Variants in RNF220 observed in about 807,000 individuals in gnomAD.
The protein encoded by RNF220 is ring finger protein 220.
RNF220 carries 7 observed loss-of-function variants against 67.1 expected under a neutral mutation model. That is an observed-to-expected ratio of 0.10 (90% CI 0.06 to 0.20). The LOEUF (loss-of-function observed/expected upper bound fraction) is 0.20. Among genes scored for constraint, RNF220 ranks in the 10% least tolerant of loss-of-function variants. The pLI is 1.00. For missense variants in RNF220, 565 were observed against 740.3 expected (o/e 0.76, Z 2.75); for synonymous variants, 270 against 283.2 (o/e 0.95, Z 0.47).
chr1:44,593,005 G>A (rs559615468), intron 2 of RNF220, among the ~76,000 whole-genome samples: 25 of 152,270 alleles, frequency 1.6e-4, no homozygotes, highest in African/African-American at 5.5e-4. Flanking sequence ...TTTTGATGGG[G>A]GGGATGGGCC....
At position 44,649,645 on chromosome 1, in the gene RNF220, G is replaced by A; in HGVS notation, c.1446-16G>A. 1 of 1,612,666 alleles carries A rather than the reference G, an allele frequency of 6.2e-7. No homozygotes were observed. Among genetic ancestry groups the A allele is most frequent in the South Asian group, 1.1e-5 (1 of 91,060 alleles). Reference sequence around the variant, plus strand: ...AGATGCCAGCCTGCTACCCAACCATGCCTTCCTTTTTACAGAATCACCGAA... The same window carrying A: ...AGATGCCAGCCTGCTACCCAACCATACCTTCCTTTTTACAGAATCACCGAA... On this transcript the variant is annotated splice_polypyrimidine_tract_variant and intron_variant, in intron 12 of 14. Transcript: ENST00000361799. This position sits in a 1 kb window ranked among gnomAD's most constrained non-coding sequence, Gnocchi z 5.9.
chr1:44,564,194 C>G lies in RNF220; in HGVS notation c.626-49971C>G, dbSNP rs138245207. On this transcript the variant is annotated intron_variant, in intron 2 of 14. Transcript: ENST00000361799. ...AAAAATAGCTATCAGAGAAATGTTT[C>G]TCAAATTCCCCCCTCCCTTCTACCT... Among the ~76,000 whole-genome samples the G allele has an allele frequency of 1.5e-4, 23 of 152,270 alleles. No individual in the cohort carries two copies. In the East Asian group the frequency reaches 4.2e-3, roughly 28 times the overall value.
chr1:44,434,791 C>T (rs1051607218), intron 2 of RNF220, among the ~76,000 whole-genome samples: 3 of 150,110 alleles, frequency 2.0e-5, no homozygotes, highest in African/African-American at 7.4e-5. Flanking sequence ...TAACAGAAGA[C>T]TTGTGAAAAG....
intron 2 of RNF220, among the ~76,000 whole-genome samples, chr1:44,485,912 TA>T (rs34614013): frequency 0.084 from 12,773 of 152,206 alleles, 1,545 homozygotes; most frequent in African/African-American, 0.27. Context: ...ATGTTCCCCT[TA>T]TTATACCTCA....
intron 2 of RNF220, among the ~76,000 whole-genome samples, chr1:44,460,843 G>A (rs1470181626): frequency 6.6e-6 from 1 of 152,190 alleles, no homozygotes; most frequent in Non-Finnish European, 1.5e-5. Context: ...TGTGGAACAC[G>A]GTGGCCAGAT....
At chr1:44,643,397 G>A (rs1426005647) in intron 8 of RNF220, 2 of 152,240 alleles carry the variant, frequency 1.3e-5, no homozygotes, top group African/African-American at 4.8e-5. Context: ...GGTTTACAGA[G>A]TGAATTAGTA....
chr1:44,530,368 C>T (rs1377748680), intron 2 of RNF220, among the ~76,000 whole-genome samples: 1 of 152,004 alleles, frequency 6.6e-6, no homozygotes, highest in Non-Finnish European at 1.5e-5. Flanking sequence ...ATGCAGTCAC[C>T]CAAAGAGCAG....
At position 44,617,564 on chromosome 1, in the gene RNF220, G is replaced by T. The variant is rs1224394235; in HGVS notation, c.758+3267G>T. On this transcript the variant is annotated intron_variant, in intron 3 of 14. Transcript: ENST00000361799. ...CTGACGGCCGTTCAGCGGGGAGCGCGGGGAGGGCCCCAGCCTTGGCTGCCC... is the reference window on the plus strand; with the variant it reads ...CTGACGGCCGTTCAGCGGGGAGCGCTGGGAGGGCCCCAGCCTTGGCTGCCC... Among the ~76,000 whole-genome samples, 3 of 152,380 alleles carry T rather than the reference G, an allele frequency of 2.0e-5. No homozygotes were observed. The East Asian group carries it at 5.8e-4, about 29-fold the overall frequency.
At chr1:44,472,741 A>C (rs1437430618) in intron 2 of RNF220, among the ~76,000 whole-genome samples, 3 of 152,108 alleles carry the variant, frequency 2.0e-5, no homozygotes, top group Admixed American at 6.6e-5. Context: ...TGTTGAACTG[A>C]GGAGAGGTGG....
At chr1:44,577,660 A>G (rs1664908591) in intron 2 of RNF220, among the ~76,000 whole-genome samples, 3 of 152,206 alleles carry the variant, frequency 2.0e-5, no homozygotes, top group African/African-American at 7.2e-5. Flanking sequence ...CAGTACCACA[A>G]AGGAAATAAA....
intron 2 of RNF220, among the ~76,000 whole-genome samples, chr1:44,532,354 T>C (rs1186150973): frequency 6.6e-6 from 1 of 152,172 alleles, no homozygotes; most frequent in Admixed American, 6.5e-5. Context: ...CCTTATGCTG[T>C]TTTTTTAGAT....
rs569273731 is a variant in RNF220 at position 44,608,813 on chromosome 1, T to C, written c.626-5352T>C. On this transcript the variant is annotated intron_variant, in intron 2 of 14. Transcript: ENST00000361799. ...TAGGGCCAGGGCACCTACTGAGTGG[T>C]AAAAGATCTGGATCATAGAAGGGAA... Among the ~76,000 whole-genome samples the C allele has an allele frequency of 2.6e-5, 4 of 152,218 alleles. No homozygotes were observed. The South Asian group carries it at 8.3e-4, about 32-fold the overall frequency.
intron 2 of RNF220, among the ~76,000 whole-genome samples, chr1:44,592,776 T>C (rs916024805): frequency 6.6e-6 from 1 of 152,142 alleles, no homozygotes; most frequent in Non-Finnish European, 1.5e-5. Flanking sequence ...TGGCTAGCCA[T>C]GCTTCCAGGT....
At chr1:44,503,146 C>T (rs1329478157) in intron 2 of RNF220, among the ~76,000 whole-genome samples, 1 of 151,810 alleles carries the variant, frequency 6.6e-6, no homozygotes, top group African/African-American at 2.4e-5. Context: ...CCAGTCTGGC[C>T]AACATGGTGA....
intron 2 of RNF220, among the ~76,000 whole-genome samples, chr1:44,433,054 C>A (rs1650575218): frequency 6.6e-6 from 1 of 152,044 alleles, no homozygotes; most frequent in Non-Finnish European, 1.5e-5. Context: ...CTCAGCCTCA[C>A]AAGTAGCTGG....
intron 2 of RNF220, among the ~76,000 whole-genome samples, chr1:44,446,293 G>A (rs1281245443): frequency 6.6e-6 from 1 of 152,176 alleles, no homozygotes; most frequent in African/African-American, 2.4e-5. Context: ...AGTGGGGAAA[G>A]CCTAACTTGT....
At chr1:44,608,680 ATAGATGATAGG>A (rs1394701443) in intron 2 of RNF220, among the ~76,000 whole-genome samples, 2 of 152,238 alleles carry the variant, frequency 1.3e-5, no homozygotes, top group African/African-American at 4.8e-5. Flanking sequence ...CAGATAATGG[ATAGATGATAGG>A]TAGATGGACA....
intron 1 of RNF220, among the ~76,000 whole-genome samples, chr1:44,407,295 GA>G (rs1164608654): frequency 1.3e-5 from 2 of 151,810 alleles, no homozygotes; most frequent in South Asian, 2.1e-4. Context: ...GAAAAATAAA[GA>G]AAAAAAAGGG....
At chr1:44,615,989 T>C (rs1480489068) in intron 3 of RNF220, among the ~76,000 whole-genome samples, 2 of 152,224 alleles carry the variant, frequency 1.3e-5, no homozygotes, top group Admixed American at 1.3e-4. Context: ...TGACTGGGAC[T>C]GCAGGATCTG....
Sources: allele counts gnomAD v4.1 joint callset (sites outside exome capture counted in the v4.1 genomes callset), GRCh38; gene constraint gnomAD v4.1.1; non-coding constraint Gnocchi (gnomAD v3.1); transcripts MANE v1.5; gene names NCBI Gene and HGNC (gene_info 2026-07-23, HGNC 2026-07-21).